Variants in TMTC1 observed in about 807,000 individuals in gnomAD.
TMTC1 encodes transmembrane O-mannosyltransferase targeting cadherins 1, also known as protein O-mannosyl-transferase TMTC1.
TMTC1 carries 73 observed loss-of-function variants against 104.8 expected under a neutral mutation model. The observed-to-expected ratio is 0.70, with a 90% CI of 0.58 to 0.85. The LOEUF is 0.85. Among genes scored for constraint, TMTC1 ranks in the 40% least tolerant of loss-of-function variants. TMTC1 has a pLI of 0.00. For synonymous variants in TMTC1, 434 were observed against 428.7 expected, an observed-to-expected ratio of 1.01 and a Z score of -0.15; for missense variants, 1,035 against 1,096.1, an observed-to-expected ratio of 0.94 and a Z score of 0.79.
intron 6 of TMTC1, chr12:29,613,889 C>A: frequency 3.2e-6 from 3 of 948,502 alleles, no homozygotes; most frequent in Non-Finnish European, 3.8e-6. Flanking sequence ...TTTACTTTTT[C>A]ACAAAGCAAG....
chr12:29,516,767 G>T (rs1357191263), intron 14 of TMTC1, among the ~76,000 whole-genome samples: 1 of 152,176 alleles, frequency 6.6e-6, no homozygotes, highest in East Asian at 1.9e-4. Context: ...AAATAAGTCA[G>T]AAGAGAAAGA....
rs952327021 is a variant in TMTC1 at position 29,541,892 on chromosome 12, C to T, written c.1677-5575G>A. 1.8e-4 allele frequency among the ~76,000 whole-genome samples: 27 copies of T among 152,140 alleles called. 1 individual carries two copies. The highest frequency in any genetic ancestry group is 3.9e-4 in the Admixed American group (6 of 15,280). On this transcript the variant is annotated intron_variant, in intron 10 of 17. Coordinates refer to ENST00000539277, the MANE Select transcript of TMTC1 (RefSeq NM_001193451.2). ...CAGGATGATCTCAATCTCTTGACCT[C>T]GTGATCCGCCTGCCTCGGCCTCCCA...
chr12:29,730,107 G>C (rs777630226), intron 5 of TMTC1, among the ~76,000 whole-genome samples: 14 of 152,138 alleles, frequency 9.2e-5, no homozygotes, highest in Non-Finnish European at 1.0e-4. Flanking sequence ...GTTGAAACAA[G>C]CAGCATATAG....
intron 9 of TMTC1, among the ~76,000 whole-genome samples, chr12:29,570,888 C>CCG (rs1555170711): frequency 2.9e-5 from 4 of 137,462 alleles, no homozygotes; most frequent in Admixed American, 2.2e-4. Context: ...AACACCCCCC[C>CCG]CCCCCGCCAA....
rs756742974 is a variant in TMTC1, at chr12:29,664,182, G to A, written c.939-30846C>T. Among the ~76,000 whole-genome samples the A allele has an allele frequency of 1.0e-3, 149 of 146,706 alleles. No homozygotes were observed. In the Middle Eastern group the frequency reaches 0.01, roughly 10 times the overall value. On this transcript the variant is annotated intron_variant, in intron 5 of 17. Coordinates refer to ENST00000539277, the MANE Select transcript of TMTC1 (RefSeq NM_001193451.2). ...AGCCTGGGCGACAGAGCGAGACTCC[G>A]TCTCAAAAAAATAAAAATAAAAAAT... is the stretch of plus-strand genomic sequence containing the variant.
chr12:29,737,240 C>T (rs1282407064), intron 5 of TMTC1, among the ~76,000 whole-genome samples: 2 of 152,178 alleles, frequency 1.3e-5, no homozygotes, highest in South Asian at 2.1e-4. Context: ...CAGGGGTGGC[C>T]GGGCATGGTG....
rs138288588 is a variant in TMTC1 at position 29,616,599 on chromosome 12, C to T, written c.1129-12300G>A. On this transcript the variant is annotated intron_variant, in intron 6 of 17. Transcript: ENST00000539277. ...AGGAGAATCGCTTGAATCCGGGAGG[C>T]GGAGGTTGCAGTGAGCTGAGATCAT... is the stretch of plus-strand genomic sequence containing the variant. 4.4e-3 allele frequency among the ~76,000 whole-genome samples: 608 copies of T among 137,378 alleles called. 1 individual carries two copies. The highest frequency in any genetic ancestry group is 0.011 in the Admixed American group (138 of 12,310). 90.1% of individuals were successfully genotyped at this position (137,378 alleles called of 152,430 possible).
intron 5 of TMTC1, among the ~76,000 whole-genome samples, chr12:29,688,786 T>C (rs1388319968): frequency 6.6e-6 from 1 of 152,160 alleles, no homozygotes; most frequent in Non-Finnish European, 1.5e-5. Flanking sequence ...AGTAAAAAAC[T>C]TTAAAAATAA....
rs1592137358 is a variant in TMTC1 at position 29,502,992 on chromosome 12, C to A, written c.*3854G>T. On this transcript the variant is annotated 3_prime_UTR_variant, in exon 18 of 18. Coordinates refer to ENST00000539277, the MANE Select transcript of TMTC1 (RefSeq NM_001193451.2). ...AATGTTTTACAATGAAAACAGGAAA[C>A]CCACATTTGCTCTGTTTCGCCTCAG... is the stretch of plus-strand genomic sequence containing the variant. The A allele has an allele frequency of 1.3e-5, 2 of 152,308 alleles. No individual in the cohort carries two copies. Among genetic ancestry groups the A allele is most frequent in the Admixed American group, 1.3e-4 (2 of 15,298 alleles). 9.4% of individuals were successfully genotyped at this position (152,308 alleles called of 1,614,324 possible). A position where few individuals can be genotyped will look rare whatever the true frequency, so the allele number is the denominator to read the frequency against.
chr12:29,763,099 T>C (rs1267802894), intron 2 of TMTC1, among the ~76,000 whole-genome samples: 1 of 152,204 alleles, frequency 6.6e-6, no homozygotes, highest in Non-Finnish European at 1.5e-5. Context: ...AATCACAAGC[T>C]AGACAAGCTT....
At chr12:29,757,943 G>A (rs192412553) in intron 3 of TMTC1, among the ~76,000 whole-genome samples, 57 of 152,172 alleles carry the variant, frequency 3.7e-4, no homozygotes, top group Admixed American at 1.7e-3. Flanking sequence ...TTCCTTCCAC[G>A]ACACATGGAA....
chr12:29,631,496 T>C (rs1938295535), intron 6 of TMTC1, among the ~76,000 whole-genome samples: 1 of 152,228 alleles, frequency 6.6e-6, no homozygotes, highest in Middle Eastern at 3.2e-3. Context: ...AGACCATCCT[T>C]TCTCCATTGA....
intron 5 of TMTC1, among the ~76,000 whole-genome samples, chr12:29,711,464 T>TC (rs1941924783): frequency 6.6e-6 from 1 of 152,168 alleles, no homozygotes; most frequent in African/African-American, 2.4e-5. Flanking sequence ...TACATTATCC[T>TC]CCATGTGCCA....
intron 2 of TMTC1, 70 bp downstream of exon 2, chr12:29,767,828 G>T: frequency 7.3e-7 from 1 of 1,361,600 alleles, no homozygotes; most frequent in Non-Finnish European, 1.0e-6. Context: ...ATATGTGTGT[G>T]TATACACGTA....
chr12:29,590,423 T>C (rs1592281926), intron 7 of TMTC1, among the ~76,000 whole-genome samples: 2 of 152,298 alleles, frequency 1.3e-5, no homozygotes, highest in South Asian at 4.1e-4. Context: ...CGTGATTCAA[T>C]GTAAATCAAT....
chr12:29,767,843 CGTATACAT>C, intron 2 of TMTC1, 47 bp downstream of exon 2: 1 of 1,477,664 alleles, frequency 6.8e-7, no homozygotes, highest in Non-Finnish European at 9.3e-7. Flanking sequence ...CACGTATACA[CGTATACAT>C]ACACACATTC....
chr12:29,684,100 G>T (rs143861123), intron 5 of TMTC1, among the ~76,000 whole-genome samples: 1 of 152,248 alleles, frequency 6.6e-6, no homozygotes, highest in East Asian at 1.9e-4. Flanking sequence ...TGCCTTGGCT[G>T]ACCAAAGTGC....
intron 7 of TMTC1, among the ~76,000 whole-genome samples, chr12:29,588,790 G>C (rs536015410): frequency 3.5e-4 from 53 of 152,224 alleles, no homozygotes; most frequent in Middle Eastern, 6.8e-3. Flanking sequence ...AATGTGCCAC[G>C]CCGATACATC....
intron 7 of TMTC1, among the ~76,000 whole-genome samples, chr12:29,597,468 C>T (rs1228327913): frequency 6.6e-6 from 1 of 151,884 alleles, no homozygotes; most frequent in East Asian, 1.9e-4. Context: ...GGCTTCCTGA[C>T]CACTTTTGTA....
Sources: gnomAD v4.1 joint callset for allele counts (sites outside exome capture counted in the v4.1 genomes callset) on GRCh38, gnomAD v4.1.1 for gene constraint, MANE v1.5 for transcripts, NCBI Gene and HGNC (gene_info 2026-07-23, HGNC 2026-07-21) for gene names.